DHRSX: variants seen among roughly 807,000 people sequenced by gnomAD.
DHRSX encodes dehydrogenase/reductase X-linked.
In DHRSX, 31 loss-of-function variants were observed where a neutral mutation model predicts 34.0. The ratio of observed to expected loss-of-function variants is 0.91; its 90% CI spans 0.69 to 1.23. The LOEUF (loss-of-function observed/expected upper bound fraction) is 1.23. Among genes scored for constraint, DHRSX ranks in the 50% most tolerant of loss-of-function variants. DHRSX has a pLI of 0.00. For missense variants in DHRSX, 414 were observed against 428.1 expected, an observed-to-expected ratio of 0.97 and a Z score of 0.29; for synonymous variants, 201 against 183.8, an observed-to-expected ratio of 1.09 and a Z score of -0.76.
intron 3 of DHRSX, among the ~76,000 whole-genome samples, chrX:2,405,641 A>G (rs1370769499): frequency 6.6e-6 from 1 of 151,034 alleles, no homozygotes; most frequent in Non-Finnish European, 1.5e-5. Flanking sequence ...CCCCAACTCT[A>G]CAAAGAGTAG....
At chrX:2,348,699 T>A (rs375479535) in intron 3 of DHRSX, among the ~76,000 whole-genome samples, 3,351 of 151,878 alleles carry the variant, frequency 0.022, 99 homozygotes, top group East Asian at 0.068. Flanking sequence ...TTTATTTTTT[T>A]TTTTTTTATT....
chrX:2,242,220 T>C (rs964247348), intron 6 of DHRSX, among the ~76,000 whole-genome samples: 72 of 152,126 alleles, frequency 4.7e-4, no homozygotes, highest in Non-Finnish European at 9.1e-4. Flanking sequence ...AACCTTCAAA[T>C]GGCAAAGGGG....
chrX:2,319,530 G>A (rs1342413073), intron 3 of DHRSX, among the ~76,000 whole-genome samples: 4 of 115,026 alleles, frequency 3.5e-5, no homozygotes, highest in Non-Finnish European at 6.8e-5. Flanking sequence ...GTGACAGAGT[G>A]AGACTCCATC....
intron 5 of DHRSX, among the ~76,000 whole-genome samples, chrX:2,257,205 C>T (rs1170438186): frequency 3.3e-5 from 5 of 152,222 alleles, no homozygotes; most frequent in African/African-American, 9.6e-5. Context: ...CCACCTGCCT[C>T]GGCCTCCCGA....
intron 3 of DHRSX, among the ~76,000 whole-genome samples, chrX:2,325,979 T>C (rs1253394276): frequency 6.6e-6 from 1 of 152,142 alleles, no homozygotes; most frequent in Non-Finnish European, 1.5e-5. Flanking sequence ...CACTAACATG[T>C]AGAGAGCTTG....
intron 1 of DHRSX, chrX:2,488,830 G>C (rs202068168): frequency 6.2e-7 from 1 of 1,613,814 alleles, no homozygotes; most frequent in South Asian, 1.1e-5. Context: ...TCCTCTTGGC[G>C]CTGACCACGT....
intron 5 of DHRSX, among the ~76,000 whole-genome samples, chrX:2,258,059 G>A (rs1053496220): frequency 5.9e-5 from 9 of 152,210 alleles, no homozygotes; most frequent in Non-Finnish European, 1.0e-4. Flanking sequence ...AACCAAGTGA[G>A]GACACAGGGC....
At chrX:2,500,028 A>AAAT (rs1205051124) in intron 1 of DHRSX, among the ~76,000 whole-genome samples, 20 of 152,124 alleles carry the variant, frequency 1.3e-4, no homozygotes, top group Admixed American at 3.3e-4. Flanking sequence ...CTATTACAAA[A>AAAT]AATAATAATA....
chrX:2,460,787 T>G (rs1014913214), intron 1 of DHRSX, among the ~76,000 whole-genome samples: 9 of 152,134 alleles, frequency 5.9e-5, no homozygotes, highest in African/African-American at 2.2e-4. Flanking sequence ...CTCATTATGT[T>G]GACCAGGCTG....
intron 5 of DHRSX, among the ~76,000 whole-genome samples, chrX:2,259,409 TATAG>T (rs2041333061): frequency 1.4e-5 from 2 of 144,806 alleles, no homozygotes; most frequent in African/African-American, 5.0e-5. Context: ...TATATATAGA[TATAG>T]ATATATACAA....
chrX:2,313,193 G>T lies in DHRSX; in HGVS notation c.287-21590C>A, dbSNP rs181892008. On this transcript the variant is annotated intron_variant, in intron 3 of 6. Transcript: ENST00000334651. ...AATTTTTTGTATTTTTAGTCAAGAC[G>T]GGGTTTCACCATGTTGGCCAGGCTG... 7.8e-3 allele frequency among the ~76,000 whole-genome samples: 1,174 copies of T among 151,358 alleles called. 12 individuals carry two copies. The highest frequency in any genetic ancestry group is 0.027 in the African/African-American group (1,108 of 41,274).
rs1301243746 is a variant in DHRSX at position 2,335,185 on chromosome X, A to AG, written c.287-43583_287-43582insC. ...GGACAACAGAGTAGGACTCCATCTC[A>AG]AAAAAAAAAAAAAAGAAAAATTTAT... On this transcript the variant is annotated intron_variant, in intron 3 of 6. Transcript: ENST00000334651. Among the ~76,000 whole-genome samples the AG allele has an allele frequency of 1.3e-3, 76 of 60,542 alleles. No individual in the cohort carries two copies. The East Asian group carries it at 0.019, about 15-fold the overall frequency. The allele number at this position is 60,542 out of a possible 152,430, so 39.7% of individuals were successfully genotyped here.
chrX:2,239,453 G>A (rs1479594447), intron 6 of DHRSX, among the ~76,000 whole-genome samples: 2 of 151,196 alleles, frequency 1.3e-5, no homozygotes, highest in African/African-American at 4.9e-5. Context: ...AGCAAGACCT[G>A]GTCTCTAAAA....
chrX:2,244,472 CAT>C (rs1370981885), intron 5 of DHRSX, among the ~76,000 whole-genome samples: 2 of 152,092 alleles, frequency 1.3e-5, no homozygotes, highest in Non-Finnish European at 2.9e-5. Context: ...ACACAACCAC[CAT>C]AGACTCCTTT....
At chrX:2,481,800 G>A (rs1453640454) in intron 1 of DHRSX, among the ~76,000 whole-genome samples, 2 of 148,370 alleles carry the variant, frequency 1.3e-5, no homozygotes, top group Non-Finnish European at 3.0e-5. Flanking sequence ...AGGAGGGTTG[G>A]TGAGATCAGG....
chrX:2,322,185 T>G (rs977083717), intron 3 of DHRSX, among the ~76,000 whole-genome samples: 1 of 150,188 alleles, frequency 6.7e-6, no homozygotes, highest in Non-Finnish European at 1.5e-5. Context: ...TGTGTCCTCA[T>G]AGCTTAGCTC....
At chrX:2,428,505 C>T (rs1288028769) in intron 1 of DHRSX, among the ~76,000 whole-genome samples, 7 of 152,078 alleles carry the variant, frequency 4.6e-5, no homozygotes, top group Middle Eastern at 3.2e-3. Flanking sequence ...TCCTTCTCAG[C>T]GAACTAACAC....
intron 1 of DHRSX, among the ~76,000 whole-genome samples, chrX:2,477,043 T>C (rs1257678690): frequency 2.6e-5 from 4 of 152,152 alleles, no homozygotes; most frequent in Non-Finnish European, 5.9e-5. Flanking sequence ...CATGTGCTGC[T>C]ATTAGGAATA....
At chrX:2,398,998 A>G (rs1217020090) in intron 3 of DHRSX, among the ~76,000 whole-genome samples, 10 of 151,850 alleles carry the variant, frequency 6.6e-5, no homozygotes, top group African/African-American at 1.2e-4. Context: ...GACTACAGGC[A>G]CCCGCCACCA....
Sources: allele counts gnomAD v4.1 joint callset (sites outside exome capture counted in the v4.1 genomes callset), GRCh38; gene constraint gnomAD v4.1.1; transcripts MANE v1.5; gene names NCBI Gene and HGNC (gene_info 2026-07-23, HGNC 2026-07-21).